The following ANO10 variants were observed in gnomAD, a reference collection of about 807,000 sequenced individuals.
The protein encoded by ANO10 is anoctamin 10, also known as anoctamin-10.
A neutral mutation model predicts 74.7 loss-of-function variants in ANO10; 77 were observed. That is an observed-to-expected ratio of 1.03 (90% CI 0.86 to 1.25). The LOEUF is 1.25. Ranked by LOEUF, ANO10 falls within the 50% of genes most tolerant of loss-of-function variation. The probability of loss-of-function intolerance (pLI) is 0.00; values close to 1 mark genes in which losing one functional copy is unlikely to be tolerated. For missense variants in ANO10, 721 were observed against 778.1 expected, an observed-to-expected ratio of 0.93 and a Z score of 0.87; for synonymous variants, 279 against 284.9, an observed-to-expected ratio of 0.98 and a Z score of 0.21.
intron 5 of ANO10, among the ~76,000 whole-genome samples, chr3:43,577,666 T>C (rs918247391): frequency 2.0e-5 from 3 of 152,212 alleles, no homozygotes; most frequent in Non-Finnish European, 4.4e-5. Context: ...TCCCACTTAG[T>C]GTTATAAATG....
chr3:43,404,422 A>G (rs2092538544), intron 12 of ANO10, among the ~76,000 whole-genome samples: 1 of 152,198 alleles, frequency 6.6e-6, no homozygotes, highest in African/African-American at 2.4e-5. Flanking sequence ...AGCCTCTGAT[A>G]AGACCAAAGC....
intron 7 of ANO10, among the ~76,000 whole-genome samples, chr3:43,572,474 C>T (rs2080783734): frequency 6.6e-6 from 1 of 152,206 alleles, no homozygotes; most frequent in African/African-American, 2.4e-5. Context: ...GCCTATGTAC[C>T]TGAGATTCTC....
At chr3:43,604,808 T>A (rs1320605457) in intron 2 of ANO10, among the ~76,000 whole-genome samples, 1 of 152,108 alleles carries the variant, frequency 6.6e-6, no homozygotes, top group African/African-American at 2.4e-5. Context: ...ATCACAAAAA[T>A]TTTAAAGAAC....
chr3:43,429,659 A>G (rs2092951655), intron 12 of ANO10, among the ~76,000 whole-genome samples: 1 of 152,174 alleles, frequency 6.6e-6, no homozygotes, highest in Admixed American at 6.5e-5. Flanking sequence ...TTTTAAACTG[A>G]CACCTAAAAT....
chr3:43,511,617 T>G (rs1428386007), intron 11 of ANO10, among the ~76,000 whole-genome samples: 2 of 152,174 alleles, frequency 1.3e-5, no homozygotes, highest in Non-Finnish European at 2.9e-5. Context: ...TCCTTGTAGC[T>G]CCCACCTTAG....
chr3:43,640,745 G>A (rs1450759617), intron 1 of ANO10, among the ~76,000 whole-genome samples: 1 of 152,160 alleles, frequency 6.6e-6, no homozygotes, highest in African/African-American at 2.4e-5. Flanking sequence ...GTCTCTCAGA[G>A]TCTGAGGAAC....
At chr3:43,601,212 T>C (rs1280628160) in intron 2 of ANO10, among the ~76,000 whole-genome samples, 2 of 152,192 alleles carry the variant, frequency 1.3e-5, no homozygotes, top group African/African-American at 4.8e-5. Flanking sequence ...ACATCAATTT[T>C]TGTTTGTTTT....
intron 1 of ANO10, among the ~76,000 whole-genome samples, chr3:43,679,992 A>G (rs2084173057): frequency 6.6e-6 from 1 of 152,194 alleles, no homozygotes; most frequent in South Asian, 2.1e-4. Context: ...GGGAAAAAAC[A>G]GAGAAGAAAA....
At chr3:43,466,369 C>CAAAAAAAAAAAAAAA (rs36126977) in intron 11 of ANO10, among the ~76,000 whole-genome samples, 3 of 45,388 alleles carry the variant, frequency 6.6e-5, no homozygotes, top group African/African-American at 2.2e-4. Flanking sequence ...GACTCCATCT[C>CAAAAAAAAAAAAAAA]AAAAAAAAAA....
At chr3:43,565,752 A>G (rs752446373) in intron 7 of ANO10, 25 bp from the exon 8 acceptor site, 13 of 1,488,356 alleles carry the variant, frequency 8.7e-6, no homozygotes, top group South Asian at 7.3e-5. Context: ...AAAAAAAAAG[A>G]TAAGTGTTAA....
At chr3:43,676,538 GA>G (rs2084124147) in intron 1 of ANO10, among the ~76,000 whole-genome samples, 1 of 152,134 alleles carries the variant, frequency 6.6e-6, no homozygotes, top group African/African-American at 2.4e-5. Flanking sequence ...AAAATTATAG[GA>G]ATAGATTAGT....
At chr3:43,527,344 AT>A (rs2149237217) in intron 11 of ANO10, among the ~76,000 whole-genome samples, 1 of 152,296 alleles carries the variant, frequency 6.6e-6, no homozygotes, top group South Asian at 2.1e-4. Flanking sequence ...AAGTATGATA[AT>A]TCAAATAATA....
chr3:43,664,204 C>A (rs375327450), intron 1 of ANO10, among the ~76,000 whole-genome samples: 2 of 152,086 alleles, frequency 1.3e-5, no homozygotes, highest in Non-Finnish European at 2.9e-5. Context: ...TAGAACAGAA[C>A]GGAGTCCTCA....
intron 12 of ANO10, among the ~76,000 whole-genome samples, chr3:43,430,221 G>A (rs891846608): frequency 1.3e-5 from 2 of 151,550 alleles, no homozygotes; most frequent in South Asian, 2.1e-4. Flanking sequence ...TGTTATATAT[G>A]AAAATATTTT....
At chr3:43,648,680 T>TC (rs2149567213) in intron 1 of ANO10, among the ~76,000 whole-genome samples, 1 of 148,552 alleles carries the variant, frequency 6.7e-6, no homozygotes, top group East Asian at 2.0e-4. Context: ...CCGCTTTTTT[T>TC]TTTTTTTTTT....
intron 11 of ANO10, among the ~76,000 whole-genome samples, chr3:43,525,209 C>T (rs987558792): frequency 7.2e-5 from 11 of 152,144 alleles, no homozygotes; most frequent in African/African-American, 2.4e-4. Flanking sequence ...TCTAGCCTCA[C>T]CTCACATTCT....
intron 1 of ANO10, among the ~76,000 whole-genome samples, chr3:43,682,699 G>C (rs565404690): frequency 3.3e-5 from 5 of 152,114 alleles, no homozygotes; most frequent in African/African-American, 1.2e-4. Context: ...CTGGCAAACC[G>C]AATCCAGCAG....
chr3:43,629,889 G>C (rs1427241988), intron 1 of ANO10, among the ~76,000 whole-genome samples: 1 of 152,220 alleles, frequency 6.6e-6, no homozygotes, highest in African/African-American at 2.4e-5. Flanking sequence ...GAATTTGCAA[G>C]TTATCAACAG....
intron 11 of ANO10, among the ~76,000 whole-genome samples, chr3:43,439,275 T>C (rs1345931913): frequency 6.6e-6 from 1 of 151,624 alleles, no homozygotes; most frequent in Non-Finnish European, 1.5e-5. Flanking sequence ...AAGAATTGTA[T>C]ACCTGGAAAA....
Sources: allele counts gnomAD v4.1 joint callset (sites outside exome capture counted in the v4.1 genomes callset), GRCh38; gene constraint gnomAD v4.1.1; transcripts MANE v1.5; gene names NCBI Gene and HGNC (gene_info 2026-07-23, HGNC 2026-07-21).